ITFG1: variants seen among roughly 807,000 people sequenced by gnomAD.
ITFG1 encodes T-cell immunomodulatory protein.
In ITFG1, 34 loss-of-function variants were observed where a neutral mutation model predicts 81.8. That is an observed-to-expected ratio of 0.42 (90% CI 0.32 to 0.55). The LOEUF (loss-of-function observed/expected upper bound fraction) is 0.55, where lower values mean the gene tolerates loss of function less well. Ranked by LOEUF, ITFG1 falls within the 20% of genes least tolerant of loss-of-function variation. ITFG1 has a pLI of 0.17. For missense variants in ITFG1, 672 were observed against 755.4 expected, an observed-to-expected ratio of 0.89 and a Z score of 1.29; for synonymous variants, 285 against 270.6, an observed-to-expected ratio of 1.05 and a Z score of -0.52.
chr16:47,295,484 T>C (rs1372475848), intron 10 of ITFG1, among the ~76,000 whole-genome samples: 1 of 152,180 alleles, frequency 6.6e-6, no homozygotes, highest in Non-Finnish European at 1.5e-5. Flanking sequence ...TATACTGATT[T>C]AATCTCACCA....
chr16:47,173,801 G>T (rs550909670), intron 14 of ITFG1, among the ~76,000 whole-genome samples: 21 of 152,314 alleles, frequency 1.4e-4, no homozygotes, highest in African/African-American at 4.8e-4. Flanking sequence ...AGCACTTTGG[G>T]AGGCTGAGGT....
chr16:47,335,416 A>G (rs1567464756), intron 8 of ITFG1, among the ~76,000 whole-genome samples: 2 of 152,114 alleles, frequency 1.3e-5, no homozygotes, highest in Admixed American at 1.3e-4. Flanking sequence ...AACAACAAAA[A>G]ACCCTACTAA....
At chr16:47,307,140 T>TA (rs1967181659) in intron 10 of ITFG1, among the ~76,000 whole-genome samples, 1 of 141,962 alleles carries the variant, frequency 7.0e-6, no homozygotes, top group Non-Finnish European at 1.5e-5. Flanking sequence ...AAGAAGCCTT[T>TA]ATCAAGTCTG....
At chr16:47,454,192 A>G (rs1166577783) in intron 2 of ITFG1, 34 bp from the exon 3 acceptor site, 1 of 1,541,080 alleles carries the variant, frequency 6.5e-7, no homozygotes, top group East Asian at 2.3e-5. Flanking sequence ...ATATCAGACA[A>G]GTTGTAATGG....
intron 5 of ITFG1, among the ~76,000 whole-genome samples, chr16:47,436,890 C>T (rs1164005376): frequency 1.3e-5 from 2 of 152,064 alleles, no homozygotes; most frequent in East Asian, 3.9e-4. Flanking sequence ...GCATTACAAA[C>T]GTTTATCAAA....
intron 13 of ITFG1, among the ~76,000 whole-genome samples, chr16:47,227,734 G>A (rs1007291140): frequency 2.6e-5 from 4 of 152,066 alleles, no homozygotes; most frequent in African/African-American, 9.7e-5. Flanking sequence ...ATTGGCTCTG[G>A]ATGATGAAAT....
chr16:47,207,741 A>T (rs2151522930), intron 14 of ITFG1, among the ~76,000 whole-genome samples: 1 of 152,296 alleles, frequency 6.6e-6, no homozygotes, highest in Non-Finnish European at 1.5e-5. Context: ...GGGCCACAGG[A>T]CGTTAACTCA....
chr16:47,278,898 G>C (rs758517807), intron 10 of ITFG1, among the ~76,000 whole-genome samples: 1 of 152,138 alleles, frequency 6.6e-6, no homozygotes, highest in Non-Finnish European at 1.5e-5. Flanking sequence ...GAATACTTAT[G>C]AAAGACTTGA....
chr16:47,411,433 G>T (rs1274060816), intron 6 of ITFG1, among the ~76,000 whole-genome samples: 1 of 152,122 alleles, frequency 6.6e-6, no homozygotes. Context: ...AGGGTGTGCT[G>T]GGTGGTCCCA....
chr16:47,246,522 T>C (rs1490821384), intron 12 of ITFG1, among the ~76,000 whole-genome samples: 1 of 152,192 alleles, frequency 6.6e-6, no homozygotes, highest in East Asian at 1.9e-4. Context: ...AATTCTGAAC[T>C]CTCTACATAA....
chr16:47,436,610 C>T (rs1030469007), intron 5 of ITFG1, among the ~76,000 whole-genome samples: 1 of 152,074 alleles, frequency 6.6e-6, no homozygotes. Context: ...GATGTAAATG[C>T]TAAGAAATCT....
At chr16:47,289,912 T>G (rs938648209) in intron 10 of ITFG1, among the ~76,000 whole-genome samples, 1 of 152,160 alleles carries the variant, frequency 6.6e-6, no homozygotes, top group African/African-American at 2.4e-5. Flanking sequence ...TGATTTTCTA[T>G]TTTTGACATG....
rs1161097538 is a variant in ITFG1 at position 47,412,382 on chromosome 16, C to T, written c.655+16422G>A. Among the ~76,000 whole-genome samples the T allele has an allele frequency of 3.9e-5, 6 of 152,052 alleles. No homozygotes were observed. The South Asian group carries it at 6.2e-4, about 16-fold the overall frequency. On this transcript the variant is annotated intron_variant, in intron 6 of 17. Transcript: ENST00000320640. ...AGAAAATGATCCAAGAGTTGAAAGA[C>T]GACATAGTCATTTTAAGAAAAAAAC...
intron 12 of ITFG1, among the ~76,000 whole-genome samples, chr16:47,256,664 A>G (rs1193723247): frequency 2.6e-5 from 4 of 152,254 alleles, no homozygotes; most frequent in African/African-American, 9.6e-5. Flanking sequence ...CTCATGTATC[A>G]GTATTTTGTG....
rs1964746257 is a variant in ITFG1, at chr16:47,158,277, T to A, written c.1779+596A>T. Among the ~76,000 whole-genome samples, 7 of 152,042 alleles carry A rather than the reference T, an allele frequency of 4.6e-5. No individual in the cohort carries two copies. The South Asian group carries it at 1.5e-3, about 32-fold the overall frequency. ...GCCTGGCTAATTTTTGTGTATTCTG[T>A]AGAGACGGGGTTTCATCATGTTGCC... On this transcript the variant is annotated intron_variant, in intron 17 of 17. Transcript: ENST00000320640.
At chr16:47,365,924 G>GT in intron 7 of ITFG1, 55 bp from the exon 8 acceptor site, 1 of 940,680 alleles carries the variant, frequency 1.1e-6, no homozygotes, top group African/African-American at 1.6e-5. Flanking sequence ...CATTTGTTAA[G>GT]TGTAAAACAA....
intron 10 of ITFG1, among the ~76,000 whole-genome samples, chr16:47,288,154 C>G (rs867169421): frequency 3.3e-5 from 5 of 152,208 alleles, no homozygotes; most frequent in South Asian, 2.1e-4. Context: ...CTCTCTACTT[C>G]TGAGATAAAC....
At chr16:47,304,875 A>G (rs1304843290) in intron 10 of ITFG1, among the ~76,000 whole-genome samples, 1 of 152,186 alleles carries the variant, frequency 6.6e-6, no homozygotes, top group Non-Finnish European at 1.5e-5. Context: ...TCTTGTAAAA[A>G]AGCTGATTGA....
intron 8 of ITFG1, among the ~76,000 whole-genome samples, chr16:47,328,046 G>A (rs999907203): frequency 6.6e-6 from 1 of 152,178 alleles, no homozygotes; most frequent in East Asian, 1.9e-4. Flanking sequence ...GCACTATTCA[G>A]AATAGCAAAG....
Sources: allele counts gnomAD v4.1 joint callset (sites outside exome capture counted in the v4.1 genomes callset), GRCh38; gene constraint gnomAD v4.1.1; transcripts MANE v1.5; gene names NCBI Gene and HGNC (gene_info 2026-07-23, HGNC 2026-07-21).